The following LPIN1 variants were observed in gnomAD, a reference collection of about 807,000 sequenced individuals.
The protein encoded by LPIN1 is phosphatidate phosphatase LPIN1.
LPIN1 carries 71 observed loss-of-function variants against 107.5 expected under a neutral mutation model. That is an observed-to-expected ratio of 0.66 (90% confidence interval 0.55 to 0.80). The LOEUF (loss-of-function observed/expected upper bound fraction) is 0.80. Among genes scored for constraint, LPIN1 ranks in the 30% least tolerant of loss-of-function variants. The pLI, the probability that LPIN1 is intolerant of heterozygous loss-of-function variation, is 0.00. For synonymous variants in LPIN1, 445 were observed against 452.6 expected, an observed-to-expected ratio of 0.98 and a Z score of 0.21; for missense variants, 1,043 against 1,160.6, an observed-to-expected ratio of 0.90 and a Z score of 1.47.
Position 11,709,022 on chromosome 2 carries a change from A to G in LPIN1, c.82-4734A>G, listed in dbSNP as rs146544289. ...ATTGCTCAAGACCACACAGATGGTA[A>G]GTGGTGAAGCCAGCATTCTACCCTA... On this transcript the variant is annotated intron_variant, in intron 1 of 21. Transcript: ENST00000449576. Among the ~76,000 whole-genome samples the G allele has an allele frequency of 1.9e-3, 288 of 152,302 alleles. 1 individual carries two copies. The highest frequency in any genetic ancestry group is 3.3e-3 in the Non-Finnish European group (226 of 68,024).
intron 1 of LPIN1, among the ~76,000 whole-genome samples, chr2:11,706,386 G>C (rs11691889): frequency 0.18 from 27,618 of 152,142 alleles, 3,243 homozygotes; most frequent in South Asian, 0.26. Context: ...ACATTGGGTG[G>C]TAAAGGAAAG....
At chr2:11,798,104 A>G (rs1407780556) in intron 14 of LPIN1, among the ~76,000 whole-genome samples, 1 of 152,168 alleles carries the variant, frequency 6.6e-6, no homozygotes, top group Non-Finnish European at 1.5e-5. Flanking sequence ...CTGCCCTGTG[A>G]AGAAGGCACC....
At chr2:11,730,938 G>A (rs1665128589) in intron 1 of LPIN1, among the ~76,000 whole-genome samples, 1 of 152,164 alleles carries the variant, frequency 6.6e-6, no homozygotes, top group Admixed American at 6.5e-5. Context: ...GATGTGAGGT[G>A]GGGAGGGGCA....
intron 2 of LPIN1, chr2:11,713,833 A>C: frequency 6.7e-7 from 1 of 1,483,650 alleles, no homozygotes; most frequent in Non-Finnish European, 9.1e-7. Flanking sequence ...CTGTGATAGA[A>C]TGTCGTTGTT....
At chr2:11,701,531 G>A (rs951856720) in intron 1 of LPIN1, among the ~76,000 whole-genome samples, 3 of 152,166 alleles carry the variant, frequency 2.0e-5, no homozygotes, top group African/African-American at 7.2e-5. Context: ...ATGAGTTAAT[G>A]CATCATACTG....
At chr2:11,746,620 G>A, upstream of LPIN1, 1 of 985,404 alleles carries the variant, frequency 1.0e-6, no homozygotes, top group Non-Finnish European at 1.2e-6. Context: ...CTGACAGCCG[G>A]CGGCGGGCTG....
chr2:11,814,004 T>C (rs1436197274), intron 17 of LPIN1, among the ~76,000 whole-genome samples: 1 of 152,140 alleles, frequency 6.6e-6, no homozygotes. Context: ...AGTCTAGATA[T>C]GGCATTTGGA....
chr2:11,704,606 T>C (rs1305343226), intron 1 of LPIN1, among the ~76,000 whole-genome samples: 2 of 152,196 alleles, frequency 1.3e-5, no homozygotes, highest in Non-Finnish European at 2.9e-5. Context: ...GAATCAAAGA[T>C]TGTGCTAGAT....
intron 14 of LPIN1, among the ~76,000 whole-genome samples, chr2:11,801,713 C>T (rs750426729): frequency 2.0e-4 from 31 of 152,134 alleles, no homozygotes; most frequent in South Asian, 4.2e-4. Context: ...TTATAGTTAA[C>T]GGCAATTTAT....
chr2:11,763,502 C>G (rs1278028186), intron 1 of LPIN1, among the ~76,000 whole-genome samples: 1 of 152,160 alleles, frequency 6.6e-6, no homozygotes, highest in Non-Finnish European at 1.5e-5. Flanking sequence ...TTGGCCTGTC[C>G]CTTTCCCTCT....
rs1399915546 is a variant in LPIN1 at position 11,827,156 on chromosome 2, CAA to C, written c.*2367_*2368del. The C allele has an allele frequency of 6.6e-6, 1 of 152,598 alleles. No homozygotes were observed. The highest frequency in any genetic ancestry group is 6.5e-5 in the Admixed American group (1 of 15,276). 9.5% of individuals were successfully genotyped at this position (152,598 alleles called of 1,614,324 possible). On this transcript the variant is annotated 3_prime_UTR_variant, in exon 21 of 21. Transcript: ENST00000674199. This position sits in a 1 kb window ranked among gnomAD's most constrained non-coding sequence, Gnocchi z 4.1. The stretch of plus-strand genomic sequence containing the variant: ...AAATGTTTGTCACATGTGATGAAGA[CAA>C]ATATGTATACCTGGCATAGAGAAAA...
At chr2:11,755,034 C>T (rs1263295614) in intron 1 of LPIN1, among the ~76,000 whole-genome samples, 1 of 149,930 alleles carries the variant, frequency 6.7e-6, no homozygotes, top group Admixed American at 6.6e-5. Flanking sequence ...GGCACGATCT[C>T]GGCTCACTGC....
In LPIN1 at chr2:11,771,933, T is replaced by C. The variant is rs975784421; in HGVS notation, c.596+254T>C. Among the ~76,000 whole-genome samples, 6 of 152,200 alleles carry C rather than the reference T, an allele frequency of 3.9e-5. No individual in the cohort carries two copies. The highest frequency in any genetic ancestry group is 1.2e-4 in the African/African-American group (5 of 41,442). ...TATTTCCATTACTATTACATTGTAA[T>C]ATATAATGAAATACTTATACAACTC... On this transcript the variant is annotated intron_variant, in intron 4 of 20. Transcript: ENST00000674199. This position sits in a 1 kb window ranked among gnomAD's most constrained non-coding sequence, Gnocchi z 4.8.
chr2:11,735,731 G>A (rs1445071511), intron 1 of LPIN1, among the ~76,000 whole-genome samples: 1 of 152,228 alleles, frequency 6.6e-6, no homozygotes, highest in Non-Finnish European at 1.5e-5. Flanking sequence ...ACGTGCCAAA[G>A]TGAATGGCTA....
chr2:11,807,215 A>G (rs1053031735), intron 17 of LPIN1, among the ~76,000 whole-genome samples: 6 of 152,244 alleles, frequency 3.9e-5, no homozygotes, highest in African/African-American at 7.2e-5. Context: ...GCTTTGATCA[A>G]TATTGCCGAA....
At chr2:11,804,982 GTT>G (rs372751097) in intron 16 of LPIN1, 86 bp from the exon 17 acceptor site, 7,724 of 672,714 alleles carry the variant, frequency 0.011, no homozygotes, top group Non-Finnish European at 0.013. Flanking sequence ...TCTTGTTTGT[GTT>G]TTTTTTTTTT....
intron 1 of LPIN1, among the ~76,000 whole-genome samples, chr2:11,754,766 C>T (rs1179337051): frequency 6.6e-6 from 1 of 152,168 alleles, no homozygotes; most frequent in African/African-American, 2.4e-5. Context: ...ACCCTGCTCC[C>T]ACACACATAG....
chr2:11,747,955 T>C (rs1469498075), intron 1 of LPIN1, among the ~76,000 whole-genome samples: 1 of 152,234 alleles, frequency 6.6e-6, no homozygotes, highest in Non-Finnish European at 1.5e-5. Context: ...GTCTGGGCTC[T>C]GCCTGAGCTC....
chr2:11,789,614 G>A (rs17603420), intron 12 of LPIN1, among the ~76,000 whole-genome samples: 78,034 of 152,104 alleles, frequency 0.51, 21,930 homozygotes, highest in African/African-American at 0.75. Context: ...GAGGACCGCA[G>A]TCTCATCCTG....
Sources: allele counts gnomAD v4.1 joint callset (sites outside exome capture counted in the v4.1 genomes callset), GRCh38; gene constraint gnomAD v4.1.1; non-coding constraint Gnocchi (gnomAD v3.1); transcripts MANE v1.5; gene names NCBI Gene and HGNC (gene_info 2026-07-23, HGNC 2026-07-21).